STAT3: variants seen among roughly 807,000 people sequenced by gnomAD.
STAT3 encodes the protein DNA-binding protein APRF.
In STAT3, 7 loss-of-function variants were observed where a neutral mutation model predicts 114.3. The ratio of observed to expected loss-of-function variants is 0.06; its 90% CI spans 0.03 to 0.11. STAT3 has a LOEUF of 0.11. STAT3 is among the 10% of genes least tolerant of loss of function. The probability of loss-of-function intolerance (pLI) is 1.00; values close to 1 mark genes in which losing one functional copy is unlikely to be tolerated. For missense variants in STAT3, 364 were observed against 960.9 expected, an observed-to-expected ratio of 0.38 and a Z score of 8.21; for synonymous variants, 331 against 354.5, an observed-to-expected ratio of 0.93 and a Z score of 0.74.
chr17:42,371,739 T>G (rs2084157200), intron 1 of STAT3, among the ~76,000 whole-genome samples: 1 of 150,592 alleles, frequency 6.6e-6, no homozygotes, highest in Admixed American at 6.6e-5. Context: ...CCTAACACTT[T>G]GGGAAGCTGA....
chr17:42,357,650 C>T (rs4287619), intron 1 of STAT3, among the ~76,000 whole-genome samples: 11,287 of 151,740 alleles, frequency 0.074, 1,416 homozygotes, highest in African/African-American at 0.26. Context: ...CCAGCCTGGG[C>T]GACAAGAGCG....
At chr17:42,325,587 C>T (rs149683677) in intron 15 of STAT3, among the ~76,000 whole-genome samples, 287 of 147,104 alleles carry the variant, frequency 2.0e-3, no homozygotes, top group South Asian at 0.011. Context: ...TTTTTTGAGA[C>T]GGAGTCTCAC....
At chr17:42,344,595 T>C (rs1008837538) in intron 4 of STAT3, among the ~76,000 whole-genome samples, 7 of 151,634 alleles carry the variant, frequency 4.6e-5, no homozygotes, top group Non-Finnish European at 1.0e-4. Flanking sequence ...GGCACACACC[T>C]GTAGTCCCAG....
At chr17:42,381,648 C>T (rs902111775) in intron 1 of STAT3, among the ~76,000 whole-genome samples, 8 of 149,992 alleles carry the variant, frequency 5.3e-5, no homozygotes, top group African/African-American at 9.8e-5. Flanking sequence ...AGGAGAGTGG[C>T]GTGAACCCGG....
chr17:42,383,364 G>GC (rs2084908317), intron 1 of STAT3, among the ~76,000 whole-genome samples: 2 of 133,818 alleles, frequency 1.5e-5, no homozygotes, highest in African/African-American at 5.4e-5. Context: ...GCCTGTTTTT[G>GC]CCTTTTTTTT....
Position 42,388,356 on chromosome 17 carries a change from G to A in STAT3, c.-101C>T. Reference sequence around the variant, plus strand: ...GGCGGCGAGGCTCCCTCAGGCCGAAGGGCCTCTCCGAGCCGAGGGGGAGAG... The same window carrying A: ...GGCGGCGAGGCTCCCTCAGGCCGAAAGGCCTCTCCGAGCCGAGGGGGAGAG... On this transcript the variant is annotated 5_prime_UTR_variant, in exon 1 of 24. Transcript: ENST00000264657. 2.4e-6 allele frequency: 3 copies of A among 1,231,844 alleles called. No individual in the cohort carries two copies. Among genetic ancestry groups the A allele is most frequent in the Non-Finnish European group, 3.0e-6 (3 of 988,068 alleles). The allele number at this position is 1,231,844 out of a possible 1,614,324, so 76.3% of individuals were successfully genotyped here.
At chr17:42,345,393 G>A (rs1221406639) in intron 4 of STAT3, 166 bp downstream of exon 4, 5 of 654,420 alleles carry the variant, frequency 7.6e-6, no homozygotes, top group Non-Finnish European at 1.3e-5. Context: ...ATTTTGGGGG[G>A]TGGAACTTTC....
At position 42,337,714 on chromosome 17, in the gene STAT3, CG is replaced by C. The variant is rs746488309; in HGVS notation, c.645+48del. ...GTTCTGCCACAAGACGCTGAAATCC[CG>C]CAAGTGAGCGAGACACATGGGGGAA... is the stretch of plus-strand genomic sequence containing the variant. On this transcript the variant is annotated intron_variant, in intron 7 of 23. Coordinates refer to ENST00000264657, the MANE Select transcript of STAT3 (RefSeq NM_139276.3). This position sits in a 1 kb window ranked among gnomAD's most constrained non-coding sequence, Gnocchi z 4.0. 1.2e-6 allele frequency: 2 copies of C among 1,613,594 alleles called. No individual in the cohort carries two copies. Among genetic ancestry groups the C allele is most frequent in the Non-Finnish European group, 1.7e-6 (2 of 1,179,578 alleles).
chr17:42,342,137 A>G (rs2082467409), intron 4 of STAT3, among the ~76,000 whole-genome samples: 1 of 151,636 alleles, frequency 6.6e-6, no homozygotes, highest in Non-Finnish European at 1.5e-5. Flanking sequence ...CTGCACAGTA[A>G]GTGTTACCTA....
chr17:42,371,510 TAAA>T (rs768004002), intron 1 of STAT3, among the ~76,000 whole-genome samples: 3 of 129,898 alleles, frequency 2.3e-5, no homozygotes, highest in African/African-American at 5.7e-5. Flanking sequence ...CGTCTCTAAT[TAAA>T]AAAAAAAAAA....
At chr17:42,330,344 GA>G (rs2081950354) in intron 11 of STAT3, among the ~76,000 whole-genome samples, 1 of 151,740 alleles carries the variant, frequency 6.6e-6, no homozygotes, top group Non-Finnish European at 1.5e-5. Context: ...TCGAACTCTC[GA>G]CCTCAGGTGA....
chr17:42,346,481 A>C, intron 3 of STAT3, 88 bp downstream of exon 3: 1 of 1,584,534 alleles, frequency 6.3e-7, no homozygotes, highest in Non-Finnish European at 8.6e-7. Flanking sequence ...TTACTTAGCC[A>C]AATGAGAAAA....
chr17:42,338,911 C>T (rs2082326639), intron 5 of STAT3, 99 bp from the exon 6 acceptor site: 4 of 1,143,848 alleles, frequency 3.5e-6, no homozygotes, highest in Non-Finnish European at 5.1e-6. Flanking sequence ...GAAGCCAAAA[C>T]CTCAAAAAAG....
In STAT3 at chr17:42,340,262, A is replaced by C. The variant is rs1450534262; in HGVS notation, c.373-853T>G. On this transcript the variant is annotated intron_variant, in intron 4 of 23. Transcript: ENST00000264657. ...TCCCAGCTACTCGGGAGGCTGAGGAAGGAGAATCGCCTGAACCCGGGAGGT... is the reference window on the plus strand; with the variant it reads ...TCCCAGCTACTCGGGAGGCTGAGGACGGAGAATCGCCTGAACCCGGGAGGT... 2.0e-5 allele frequency among the ~76,000 whole-genome samples: 3 copies of C among 151,544 alleles called. No individual in the cohort carries two copies. The South Asian group carries it at 6.3e-4, about 32-fold the overall frequency.
chr17:42,337,916 C>T lies in STAT3; in HGVS notation c.551-59G>A. 7.7e-7 allele frequency: 1 copy of T among 1,294,988 alleles called. No homozygotes were observed. 80.2% of individuals were successfully genotyped at this position (1,294,988 alleles called of 1,614,324 possible). A position where few individuals can be genotyped will look rare whatever the true frequency, so the allele number is the denominator to read the frequency against. On this transcript the variant is annotated intron_variant, in intron 6 of 23. Transcript: ENST00000264657. This position sits in a 1 kb window ranked among gnomAD's most constrained non-coding sequence, Gnocchi z 4.0. ...GAATACTCCTTGACCTGAGGGAATA[C>T]TCCTTGACCTGAGGGAATACTCCTG...
chr17:42,384,285 C>T (rs2084972505), intron 1 of STAT3, among the ~76,000 whole-genome samples: 1 of 151,828 alleles, frequency 6.6e-6, no homozygotes, highest in Non-Finnish European at 1.5e-5. Context: ...CCCGCCACAA[C>T]GCCCGGCTAC....
At chr17:42,331,601 T>A in intron 10 of STAT3, 70 bp from the exon 11 acceptor site, 2 of 1,268,682 alleles carry the variant, frequency 1.6e-6, no homozygotes, top group Non-Finnish European at 2.3e-6. Flanking sequence ...TGAAGAAATG[T>A]AAAATTCATA....
At chr17:42,386,280 C>CAA (rs61454571) in intron 1 of STAT3, among the ~76,000 whole-genome samples, 155 of 106,104 alleles carry the variant, frequency 1.5e-3, no homozygotes, top group South Asian at 3.6e-3. Context: ...GACTCTGACT[C>CAA]AAAAAAAAAA....
chr17:42,342,642 A>C (rs976352692), intron 4 of STAT3, among the ~76,000 whole-genome samples: 1 of 152,158 alleles, frequency 6.6e-6, no homozygotes, highest in Non-Finnish European at 1.5e-5. Context: ...TAATTCTATG[A>C]AGAAGGTATT....
Sources: allele counts gnomAD v4.1 joint callset (sites outside exome capture counted in the v4.1 genomes callset), GRCh38; gene constraint gnomAD v4.1.1; non-coding constraint Gnocchi (gnomAD v3.1); transcripts MANE v1.5; gene names NCBI Gene and HGNC (gene_info 2026-07-23, HGNC 2026-07-21).